Variants in GRIA4 observed in about 807,000 individuals in gnomAD.
GRIA4 encodes the protein glutamate receptor 4.
GRIA4 carries 34 observed loss-of-function variants against 104.0 expected under a neutral mutation model. The observed-to-expected ratio is 0.33, with a 90% confidence interval of 0.25 to 0.44. The LOEUF (loss-of-function observed/expected upper bound fraction) is 0.44, where lower values mean the gene tolerates loss of function less well. GRIA4 is among the 20% of genes least tolerant of loss of function. The pLI, the probability that GRIA4 is intolerant of heterozygous loss-of-function variation, is 1.00. For missense variants in GRIA4, 750 were observed against 1,096.5 expected (o/e 0.68, Z 4.46); for synonymous variants, 386 against 381.9 (o/e 1.01, Z -0.13).
At position 105,621,845 on chromosome 11, in the gene GRIA4, T is replaced by C. The variant is rs1001010579; in HGVS notation, c.247+9411T>C. On this transcript the variant is annotated intron_variant, in intron 3 of 16. Transcript: ENST00000282499. ...TGTGAGAATAATTTTTTTCTATGAC[T>C]TGCCAACAGTGACGATTATCAGTTT... is the stretch of plus-strand genomic sequence containing the variant. Among the ~76,000 whole-genome samples, 13 of 152,010 alleles carry C rather than the reference T, an allele frequency of 8.6e-5. No individual in the cohort carries two copies. The South Asian group carries it at 2.5e-3, about 29-fold the overall frequency.
intron 6 of GRIA4, among the ~76,000 whole-genome samples, chr11:105,891,087 A>C (rs1946437521): frequency 6.6e-6 from 1 of 152,150 alleles, no homozygotes; most frequent in African/African-American, 2.4e-5. Flanking sequence ...TCAAGTAAGA[A>C]AATTGCTTCC....
At chr11:105,818,686 C>T (rs1943469142) in intron 4 of GRIA4, among the ~76,000 whole-genome samples, 1 of 152,114 alleles carries the variant, frequency 6.6e-6, no homozygotes, top group Admixed American at 6.6e-5. Flanking sequence ...TCTTCCCTTC[C>T]TGTGCACTGG....
chr11:105,953,777 T>C (rs954463618), intron 14 of GRIA4, among the ~76,000 whole-genome samples: 7 of 151,940 alleles, frequency 4.6e-5, no homozygotes, highest in Non-Finnish European at 7.4e-5. Context: ...TGATAGAATA[T>C]AAAAATAAAT....
intron 3 of GRIA4, among the ~76,000 whole-genome samples, chr11:105,618,755 G>C (rs1950664298): frequency 6.6e-6 from 1 of 151,900 alleles, no homozygotes; most frequent in Non-Finnish European, 1.5e-5. Context: ...TGGAGACTTG[G>C]AAGTGAATGA....
At chr11:105,792,070 A>G (rs1942236903) in intron 4 of GRIA4, among the ~76,000 whole-genome samples, 1 of 152,172 alleles carries the variant, frequency 6.6e-6, no homozygotes, top group South Asian at 2.1e-4. Flanking sequence ...CATGTCAAAG[A>G]TATTAGAAAA....
At chr11:105,918,976 T>C in intron 11 of GRIA4, 58 bp downstream of exon 11, 16 of 1,009,420 alleles carry the variant, frequency 1.6e-5, no homozygotes, top group Non-Finnish European at 2.5e-5. Flanking sequence ...TTCTTTTCCC[T>C]TGGGCACATA....
chr11:105,806,542 A>G (rs1291526155), intron 4 of GRIA4, among the ~76,000 whole-genome samples: 1 of 151,922 alleles, frequency 6.6e-6, no homozygotes, highest in African/African-American at 2.4e-5. Context: ...ATCCTGTACA[A>G]ATCTGAGTGT....
chr11:105,663,599 G>A (rs1952077304), intron 3 of GRIA4, among the ~76,000 whole-genome samples: 1 of 151,918 alleles, frequency 6.6e-6, no homozygotes, highest in Non-Finnish European at 1.5e-5. Flanking sequence ...TCTAACATTT[G>A]AAATTCCATT....
intron 3 of GRIA4, among the ~76,000 whole-genome samples, chr11:105,735,029 T>C (rs1237703994): frequency 6.6e-6 from 1 of 152,162 alleles, no homozygotes; most frequent in African/African-American, 2.4e-5. Flanking sequence ...ATTCTCAAAA[T>C]CATGTAACAT....
chr11:105,835,972 A>T (rs557382111), intron 4 of GRIA4, among the ~76,000 whole-genome samples: 1 of 152,236 alleles, frequency 6.6e-6, no homozygotes, highest in Admixed American at 6.6e-5. Flanking sequence ...CCAAAAGCCA[A>T]TAAAAGAAGA....
At position 105,859,458 on chromosome 11, in the gene GRIA4, T is replaced by G. The variant is rs550618310; in HGVS notation, c.488-2566T>G. Among the ~76,000 whole-genome samples the G allele has an allele frequency of 7.2e-5, 11 of 152,334 alleles. No individual in the cohort carries two copies. The South Asian group carries it at 2.3e-3, about 32-fold the overall frequency. On this transcript the variant is annotated intron_variant, in intron 4 of 16. Transcript: ENST00000282499. ...AAAATCAGATAATGGAAGGCTGGAT[T>G]TGAATTATAATTTTGTTTTTAGAGT...
At chr11:105,644,184 T>C (rs1415534456) in intron 3 of GRIA4, among the ~76,000 whole-genome samples, 3 of 152,106 alleles carry the variant, frequency 2.0e-5, no homozygotes, top group Non-Finnish European at 4.4e-5. Context: ...GGAGAAAGGA[T>C]TATTGAAAGA....
Position 105,610,960 on chromosome 11 carries a change from A to AAG in GRIA4, c.-29_-28dup, listed in dbSNP as rs770908834. 2.3e-6 allele frequency: 3 copies of AAG among 1,333,334 alleles called. No homozygotes were observed. In the South Asian group the frequency reaches 3.5e-5, roughly 16 times the overall value. The allele number at this position is 1,333,334 out of a possible 1,614,324, so 82.6% of individuals were successfully genotyped here. ...CAGCCTTTAGGAAGAGTGCGAGAGAAAGAGAGAGAGCGCGCGCCAGGGAGA... is the reference window on the plus strand; with the variant it reads ...CAGCCTTTAGGAAGAGTGCGAGAGAAAGAGAGAGAGAGCGCGCGCCAGGGAGA... On this transcript the variant is annotated 5_prime_UTR_variant, in exon 2 of 17. Coordinates refer to ENST00000282499, the MANE Select transcript of GRIA4 (RefSeq NM_000829.4).
intron 3 of GRIA4, among the ~76,000 whole-genome samples, chr11:105,619,264 C>T (rs1950680557): frequency 2.0e-5 from 3 of 151,818 alleles, no homozygotes; most frequent in African/African-American, 7.3e-5. Flanking sequence ...ATTTCCTAGT[C>T]TGTTAACACA....
chr11:105,833,682 A>G (rs1436515673), intron 4 of GRIA4, among the ~76,000 whole-genome samples: 1 of 152,008 alleles, frequency 6.6e-6, no homozygotes, highest in African/African-American at 2.4e-5. Context: ...AATAATACTA[A>G]GAGGCCAGAG....
intron 4 of GRIA4, among the ~76,000 whole-genome samples, chr11:105,773,710 G>C (rs549965974): frequency 6.6e-6 from 1 of 152,212 alleles, no homozygotes; most frequent in African/African-American, 2.4e-5. Flanking sequence ...CCTGGCTTGT[G>C]AGCCAATCAA....
chr11:105,833,473 T>C (rs549798747), intron 4 of GRIA4, among the ~76,000 whole-genome samples: 4 of 152,022 alleles, frequency 2.6e-5, no homozygotes, highest in Non-Finnish European at 5.9e-5. Context: ...ATACAGATGG[T>C]AGGATGGAAA....
intron 16 of GRIA4, among the ~76,000 whole-genome samples, chr11:105,977,088 G>A (rs1046728426): frequency 6.6e-6 from 1 of 151,902 alleles, no homozygotes; most frequent in Non-Finnish European, 1.5e-5. Context: ...TCTGGCAAAA[G>A]CCTTCTGTAA....
At chr11:105,941,270 A>G (rs1443555938) in intron 14 of GRIA4, among the ~76,000 whole-genome samples, 1 of 152,198 alleles carries the variant, frequency 6.6e-6, no homozygotes, top group Admixed American at 6.5e-5. Flanking sequence ...TTTTAAATGA[A>G]CAAATTTCAT....
Sources: allele counts gnomAD v4.1 joint callset (sites outside exome capture counted in the v4.1 genomes callset), GRCh38; gene constraint gnomAD v4.1.1; transcripts MANE v1.5; gene names NCBI Gene and HGNC (gene_info 2026-07-23, HGNC 2026-07-21).